Variants in NEK9 observed in about 807,000 individuals in gnomAD.
The protein encoded by NEK9 is NIMA related kinase 9.
Under a neutral mutation model 123.4 loss-of-function variants are expected in NEK9, and 75 were observed. The ratio of observed to expected loss-of-function variants is 0.61; its 90% CI spans 0.50 to 0.74. The LOEUF (loss-of-function observed/expected upper bound fraction) is 0.74. Among genes scored for constraint, NEK9 ranks in the 30% least tolerant of loss-of-function variants. The pLI, the probability that NEK9 is intolerant of heterozygous loss-of-function variation, is 0.00. For missense variants in NEK9, 952 were observed against 1,214.4 expected, an observed-to-expected ratio of 0.78 and a Z score of 3.21; for synonymous variants, 438 against 458.7, an observed-to-expected ratio of 0.95 and a Z score of 0.58.
In NEK9 at chr14:75,101,756, C is replaced by T; in HGVS notation, c.1741G>A (p.Glu581Lys). 1.9e-6 allele frequency: 3 copies of T among 1,609,428 alleles called. No homozygotes were observed. Among genetic ancestry groups the T allele is most frequent in the Non-Finnish European group, 2.5e-6 (3 of 1,176,550 alleles). Residue 581 changes from glutamate to lysine, a missense_variant, in exon 15 of 22, where the codon GAA becomes AAA. Around this residue, in one of 4 missense-constraint regions of NEK9, gnomAD observed 698 missense variants for 875.6 expected, o/e 0.80. Transcript: ENST00000238616. ...SGIINHEAYH[E>K]VPYTTSFTLA... ...GTAAAGGACGTTGTGTAGGGAACTTCATGGTATGCCTGAAACAAAATAAAA... is the reference window on the plus strand; with the variant it reads ...GTAAAGGACGTTGTGTAGGGAACTTTATGGTATGCCTGAAACAAAATAAAA...
chr14:75,094,415 T>C (rs1894315579), intron 18 of NEK9, among the ~76,000 whole-genome samples: 1 of 152,226 alleles, frequency 6.6e-6, no homozygotes, highest in African/African-American at 2.4e-5. Context: ...CTCAGCTTCC[T>C]GAGTACCTGG....
intron 19 of NEK9, 80 bp downstream of exon 19, chr14:75,091,190 C>T (rs1894202834): frequency 8.1e-7 from 1 of 1,230,332 alleles, no homozygotes; most frequent in East Asian, 2.6e-5. Flanking sequence ...ACTTGGAAAA[C>T]TGAGAGACCC....
chr14:75,114,452 T>C (rs1895062479), intron 6 of NEK9, 139 bp from the exon 7 acceptor site: 1 of 658,282 alleles, frequency 1.5e-6, no homozygotes, highest in Middle Eastern at 2.9e-4. Flanking sequence ...ACTACTAGTA[T>C]GCATCAAAAA....
At chr14:75,086,898 C>G in intron 21 of NEK9, 120 bp downstream of exon 21, 2 of 1,029,456 alleles carry the variant, frequency 1.9e-6, no homozygotes, top group Non-Finnish European at 2.9e-6. Flanking sequence ...GAGCGAGACT[C>G]CGTCTCAAAA....
At position 75,101,098 on chromosome 14, in the gene NEK9, C is replaced by G; in HGVS notation, c.1896G>C (p.Gly632=). 6.2e-7 allele frequency: 1 copy of G among 1,614,250 alleles called. No homozygotes were observed. The highest frequency in any genetic ancestry group is 8.5e-7 in the Non-Finnish European group (1 of 1,180,040). The change falls in exon 16 of 22, where the codon GGG becomes GGC. Residue 632 remains glycine (G), a synonymous_variant. Transcript: ENST00000238616. ...TGATTCCCAGACGCTTCTTGTAGTTCCCAACGCCCAGCTGCCCACACTTGT... is the reference window on the plus strand; with the variant it reads ...TGATTCCCAGACGCTTCTTGTAGTTGCCAACGCCCAGCTGCCCACACTTGT... ...GCNKCGQLGV[G]NYKKRLGINL...
At chr14:75,091,531 T>C in intron 18 of NEK9, 53 bp from the exon 19 acceptor site, 1 of 1,421,102 alleles carries the variant, frequency 7.0e-7, no homozygotes, top group South Asian at 1.5e-5. Flanking sequence ...GCAAGACAGA[T>C]TTACCATTTG....
intron 19 of NEK9, among the ~76,000 whole-genome samples, chr14:75,089,848 G>A (rs1189494907): frequency 1.3e-5 from 2 of 152,070 alleles, no homozygotes; most frequent in Admixed American, 6.5e-5. Context: ...ACAGGCGTGC[G>A]CCACAACGCC....
At chr14:75,101,794 G>A (rs753110175) in intron 14 of NEK9, 29 bp from the exon 15 acceptor site, 1 of 1,498,080 alleles carries the variant, frequency 6.7e-7, no homozygotes, top group South Asian at 1.1e-5. Context: ...CAAAGCAGAT[G>A]CATGAGGTAA....
chr14:75,109,998 T>C (rs1894908643), intron 9 of NEK9, 121 bp from the exon 10 acceptor site: 8 of 1,028,530 alleles, frequency 7.8e-6, no homozygotes, highest in Non-Finnish European at 8.4e-6. Flanking sequence ...ATGTTCTTTC[T>C]CGACAACTTG....
chr14:75,100,980 G>A lies in NEK9; in HGVS notation c.2002+12C>T, dbSNP rs1894557108. 6.2e-7 allele frequency: 1 copy of A among 1,613,546 alleles called. No individual in the cohort carries two copies. The highest frequency in any genetic ancestry group is 1.1e-5 in the South Asian group (1 of 91,040). On this transcript the variant is annotated intron_variant, in intron 16 of 21. Coordinates refer to ENST00000238616, the MANE Select transcript of NEK9 (RefSeq NM_033116.6). ...GTGTCCAGAAAGCTTGAAATGATAT[G>A]TACAGACTCACCATCAGTGGCAGCA... is the stretch of plus-strand genomic sequence containing the variant.
At position 75,126,738 on chromosome 14, in the gene NEK9, C is replaced by T. The variant is rs1212663670; in HGVS notation, c.184G>A (p.Ala62Thr). Reference protein sequence around the residue: ...YIPIRVLGRGAFGEATLYRRT... With the variant: ...YIPIRVLGRGTFGEATLYRRT... Reference sequence around the variant, plus strand: ...CGGTACAGCGTGGCTTCCCCGAAGGCGCCGCGGCCCAGGACGCGGATGGGG... The same window carrying T: ...CGGTACAGCGTGGCTTCCCCGAAGGTGCCGCGGCCCAGGACGCGGATGGGG... Residue 62 changes from alanine (A) to threonine (T), a missense_variant, in exon 1 of 22, where the codon GCC becomes ACC. Ala to Thr is a moderately conservative substitution (Grantham distance 58, BLOSUM62 0). Transcript: ENST00000238616. 3 of 1,488,480 alleles carry T rather than the reference C, an allele frequency of 2.0e-6. No individual in the cohort carries two copies. Among genetic ancestry groups the T allele is most frequent in the East Asian group, 2.9e-5 (1 of 33,900 alleles). 92.2% of individuals were successfully genotyped at this position (1,488,480 alleles called of 1,614,324 possible).
At position 75,097,268 on chromosome 14, in the gene NEK9, T is replaced by C. The variant is rs765134943; in HGVS notation, c.2005A>G (p.Asn669Asp). 2 of 1,592,502 alleles carry C rather than the reference T, an allele frequency of 1.3e-6. No homozygotes were observed. Among genetic ancestry groups the C allele is most frequent in the South Asian group, 1.1e-5 (1 of 89,174 alleles). Residue 669 changes from asparagine to aspartate, a missense_variant and splice_region_variant, in exon 17 of 22, where the codon AAT becomes GAT. By Grantham distance (23) the Asn-to-Asp change is conservative. Around this residue, in one of 4 missense-constraint regions of NEK9, gnomAD observed 698 missense variants for 875.6 expected, o/e 0.80. Transcript: ENST00000238616. ...CCATTGCCCCAGGCAAAAATGTGATTATCTAGGAAAAAAGTTAAACAGTAG... is the reference window on the plus strand; with the variant it reads ...CCATTGCCCCAGGCAAAAATGTGATCATCTAGGAAAAAAGTTAAACAGTAG... ...DEFTIAATDD[N>D]HIFAWGNGGN...
At position 75,084,470 on chromosome 14, in the gene NEK9, G is replaced by C. The variant is rs1379308435; in HGVS notation, c.*94C>G. The C allele has an allele frequency of 2.7e-6, 4 of 1,506,784 alleles. No individual in the cohort carries two copies. Among genetic ancestry groups the C allele is most frequent in the Non-Finnish European group, 3.6e-6 (4 of 1,099,824 alleles). The allele number at this position is 1,506,784 out of a possible 1,614,324, so 93.3% of individuals were successfully genotyped here. A position where few individuals can be genotyped will look rare whatever the true frequency, so the allele number is the denominator to read the frequency against. On this transcript the variant is annotated 3_prime_UTR_variant, in exon 22 of 22. Coordinates refer to ENST00000238616, the MANE Select transcript of NEK9 (RefSeq NM_033116.6). Reference sequence around the variant, plus strand: ...TGCCTTGCGCTCCTTTTCTGCAAGTGAACAAAGCCAGGAAAGCTGCTCTCT... The same window carrying C: ...TGCCTTGCGCTCCTTTTCTGCAAGTCAACAAAGCCAGGAAAGCTGCTCTCT...
chr14:75,099,455 A>C (rs1483004136), intron 16 of NEK9, among the ~76,000 whole-genome samples: 1 of 152,118 alleles, frequency 6.6e-6, no homozygotes, highest in Non-Finnish European at 1.5e-5. Context: ...CAAAGAAGGA[A>C]GGGAATGTAG....
intron 6 of NEK9, among the ~76,000 whole-genome samples, chr14:75,116,959 C>T (rs996011954): frequency 4.6e-5 from 7 of 152,102 alleles, no homozygotes; most frequent in Admixed American, 6.5e-5. Context: ...CCATGTTGGC[C>T]GGGGTGACCT....
In NEK9 at chr14:75,097,273, A is replaced by G. The variant is rs752894467; in HGVS notation, c.2003-3T>C. On this transcript the variant is annotated splice_polypyrimidine_tract_variant and splice_region_variant and intron_variant, in intron 16 of 21. Transcript: ENST00000238616. The stretch of plus-strand genomic sequence containing the variant: ...GCCCCAGGCAAAAATGTGATTATCT[A>G]GGAAAAAAGTTAAACAGTAGACCAT... 1 of 1,593,580 alleles carries G rather than the reference A, an allele frequency of 6.3e-7. No homozygotes were observed. The highest frequency in any genetic ancestry group is 1.4e-5 in the African/African-American group (1 of 73,742).
chr14:75,112,547 G>T (rs1894990592), intron 8 of NEK9, among the ~76,000 whole-genome samples: 2 of 152,178 alleles, frequency 1.3e-5, no homozygotes, highest in South Asian at 4.1e-4. Flanking sequence ...GCTCAGGCTG[G>T]GCATAGTGTC....
rs867540711 is a variant in NEK9 at position 75,127,008 on chromosome 14, C to T, written c.-87G>A. 2.5e-5 allele frequency: 29 copies of T among 1,152,300 alleles called. No homozygotes were observed. The highest frequency in any genetic ancestry group is 3.0e-5 in the Non-Finnish European group (26 of 855,026). The allele number at this position is 1,152,300 out of a possible 1,614,324, so 71.4% of individuals were successfully genotyped here. ...GTCCCGCTCGCTTCAGATGCCGGCC[C>T]GCGGATCCGTCAGCCCAGCAACCCC... On this transcript the variant is annotated 5_prime_UTR_variant, in exon 1 of 22. Coordinates refer to ENST00000238616, the MANE Select transcript of NEK9 (RefSeq NM_033116.6).
chr14:75,105,379 C>A (rs1429829129), intron 13 of NEK9, among the ~76,000 whole-genome samples: 1 of 152,042 alleles, frequency 6.6e-6, no homozygotes, highest in Non-Finnish European at 1.5e-5. Flanking sequence ...TTTAGCCAAC[C>A]CTCCAATGGG....
Sources: gnomAD v4.1 joint callset for allele counts (sites outside exome capture counted in the v4.1 genomes callset) on GRCh38, gnomAD v4.1.1 for gene constraint, gnomAD v4.1.1 regional missense constraint, MANE v1.5 for transcripts, NCBI Gene and HGNC (gene_info 2026-07-23, HGNC 2026-07-21) for gene names.